PKDCC: variants seen among roughly 807,000 people sequenced by gnomAD.
The protein encoded by PKDCC is protein kinase domain containing, cytoplasmic, also known as extracellular tyrosine-protein kinase PKDCC.
A neutral mutation model predicts 44.7 loss-of-function variants in PKDCC; 35 were observed. The observed-to-expected ratio is 0.78, with a 90% confidence interval of 0.60 to 1.04. The LOEUF (loss-of-function observed/expected upper bound fraction) is 1.04, where lower values mean the gene tolerates loss of function less well. PKDCC is among the 50% of genes least tolerant of loss of function. The probability of loss-of-function intolerance (pLI) is 0.00; values close to 1 mark genes in which losing one functional copy is unlikely to be tolerated. For synonymous variants in PKDCC, 353 were observed against 303.3 expected, an observed-to-expected ratio of 1.16 and a Z score of -1.70; for missense variants, 738 against 672.7, an observed-to-expected ratio of 1.10 and a Z score of -1.07.
In PKDCC at chr2:42,054,659, G is replaced by A. The variant is rs143721083; in HGVS notation, c.1035-282G>A. 56 of 550,330 alleles carry A rather than the reference G, an allele frequency of 1.0e-4. No individual in the cohort carries two copies. The East Asian group carries it at 1.2e-3, about 12-fold the overall frequency. 34.1% of individuals were successfully genotyped at this position (550,330 alleles called of 1,614,324 possible). ...CCAGCCATGGGGCTGCTCCGACACC[G>A]GGAGTCAGTCAGGGGATAATGTGGG... On this transcript the variant is annotated intron_variant, in intron 3 of 6. Transcript: ENST00000294964. This position sits in a 1 kb window ranked among gnomAD's most constrained non-coding sequence, Gnocchi z 6.1.
At position 42,048,268 on chromosome 2, in the gene PKDCC, C is replaced by A. The variant is rs913757077; in HGVS notation, c.69C>A (p.Asn23Lys). The A allele has an allele frequency of 5.7e-5, 73 of 1,278,972 alleles. No homozygotes were observed. The highest frequency in any genetic ancestry group is 7.2e-5 in the Non-Finnish European group (72 of 1,005,152). The allele number at this position is 1,278,972 out of a possible 1,614,324, so 79.2% of individuals were successfully genotyped here. A position where few individuals can be genotyped will look rare whatever the true frequency, so the allele number is the denominator to read the frequency against. The stretch of plus-strand genomic sequence containing the variant: ...CCTTCCTGCTGGGCTCCGTCCTCAA[C>A]GTGCTCTTCGCTCCGGGCTCGGAGC... ...CASFLLGSVLNVLFAPGSEPP... is the reference protein window; with the variant it reads ...CASFLLGSVLKVLFAPGSEPP... Residue 23 changes from asparagine (N) to lysine (K), a missense_variant, in exon 1 of 7, where the codon AAC becomes AAA. Transcript: ENST00000294964. The surrounding 1 kb of genome is among the most constrained non-coding windows in gnomAD (Gnocchi z 6.2).
rs1667987847 is a variant in PKDCC at position 42,052,617 on chromosome 2, C to G, written c.640-622C>G. Among the ~76,000 whole-genome samples the G allele has an allele frequency of 6.6e-6, 1 of 151,920 alleles. No individual in the cohort carries two copies. The highest frequency in any genetic ancestry group is 2.1e-4 in the South Asian group (1 of 4,822). ...GACAAAAATTAGCTGGGCATAGTGG[C>G]AAGCGCCTGTAATCCCAGCTACTCG... On this transcript the variant is annotated intron_variant, in intron 1 of 6. Transcript: ENST00000294964. The surrounding 1 kb of genome is among the most constrained non-coding windows in gnomAD (Gnocchi z 4.3).
intron 2 of PKDCC, 198 bp downstream of exon 2, chr2:42,053,559 T>C: frequency 1.4e-6 from 1 of 712,690 alleles, no homozygotes; most frequent in Non-Finnish European, 2.2e-6. Context: ...TGCTGTGCTC[T>C]TGCCCTCCTC....
rs747310773 is a variant in PKDCC, at chr2:42,054,139, G to A, written c.866G>A (p.Gly289Glu). Residue 289 changes from glycine to glutamate, a missense_variant, in exon 3 of 7, where the codon GGG becomes GAG. Gly to Glu is a moderately conservative substitution (Grantham distance 98, BLOSUM62 -2). Coordinates refer to ENST00000294964, the MANE Select transcript of PKDCC (RefSeq NM_138370.3). This position sits in a 1 kb window ranked among gnomAD's most constrained non-coding sequence, Gnocchi z 6.1. ...FRPRQFVLVD[G>E]ELKVTDLDDA... ...CCTCGGCAGTTTGTGCTGGTGGATG[G>A]GGAGCTCAAAGTGACGGACCTGGAT... is the stretch of plus-strand genomic sequence containing the variant. 1 of 1,613,360 alleles carries A rather than the reference G, an allele frequency of 6.2e-7. No homozygotes were observed. The highest frequency in any genetic ancestry group is 1.7e-5 in the Admixed American group (1 of 59,986).
intron 2 of PKDCC, 51 bp downstream of exon 2, chr2:42,053,412 G>T: frequency 6.5e-7 from 1 of 1,549,080 alleles, no homozygotes; most frequent in Non-Finnish European, 8.7e-7. Flanking sequence ...GGATGGTTCT[G>T]CCTTAGAAGG....
chr2:42,050,435 G>T (rs1016543187), intron 1 of PKDCC, among the ~76,000 whole-genome samples: 2 of 152,136 alleles, frequency 1.3e-5, no homozygotes, highest in Non-Finnish European at 2.9e-5. Context: ...CCCTTCAGAC[G>T]GGTTTGATGT....
chr2:42,053,414 C>G (rs566330548), intron 2 of PKDCC, 53 bp downstream of exon 2: 12 of 1,549,912 alleles, frequency 7.7e-6, no homozygotes, highest in Non-Finnish European at 9.6e-6. Context: ...ATGGTTCTGC[C>G]TTAGAAGGCC....
chr2:42,049,783 C>A (rs986117913), intron 1 of PKDCC, among the ~76,000 whole-genome samples: 2 of 152,296 alleles, frequency 1.3e-5, no homozygotes, highest in South Asian at 2.1e-4. Flanking sequence ...GGTCTCCCCC[C>A]ATCCTAAGAT....
chr2:42,054,828 G>A lies in PKDCC; in HGVS notation c.1035-113G>A, dbSNP rs561570091. 22 of 994,074 alleles carry A rather than the reference G, an allele frequency of 2.2e-5. No individual in the cohort carries two copies. In the African/African-American group the frequency reaches 3.0e-4, roughly 14 times the overall value. 61.6% of individuals were successfully genotyped at this position (994,074 alleles called of 1,614,324 possible). A position where few individuals can be genotyped will look rare whatever the true frequency, so the allele number is the denominator to read the frequency against. ...TCACTGCGTTCTGCCTGGTTGCTAG[G>A]CCTGAGGGATCCGGCTCCCTGGCCA... On this transcript the variant is annotated intron_variant, in intron 3 of 6. Coordinates refer to ENST00000294964, the MANE Select transcript of PKDCC (RefSeq NM_138370.3). This position sits in a 1 kb window ranked among gnomAD's most constrained non-coding sequence, Gnocchi z 6.1.
chr2:42,051,280 C>T lies in PKDCC; in HGVS notation c.640-1959C>T, dbSNP rs1667962857. ...CACACTCCCTCACGTGACTTGACTC[C>T]TCTATAGCCCAGGGCCAAAGGGCAC... On this transcript the variant is annotated intron_variant, in intron 1 of 6. Transcript: ENST00000294964. The surrounding 1 kb of genome is among the most constrained non-coding windows in gnomAD (Gnocchi z 4.2). Among the ~76,000 whole-genome samples, 1 of 151,680 alleles carries T rather than the reference C, an allele frequency of 6.6e-6. No individual in the cohort carries two copies.
chr2:42,055,142 C>A lies in PKDCC; in HGVS notation c.1114+122C>A. The A allele has an allele frequency of 1.5e-6, 2 of 1,298,564 alleles. No homozygotes were observed. The highest frequency in any genetic ancestry group is 2.4e-5 in the East Asian group (1 of 42,542). The allele number at this position is 1,298,564 out of a possible 1,614,324, so 80.4% of individuals were successfully genotyped here. On this transcript the variant is annotated intron_variant, in intron 4 of 6. Coordinates refer to ENST00000294964, the MANE Select transcript of PKDCC (RefSeq NM_138370.3). This position sits in a 1 kb window ranked among gnomAD's most constrained non-coding sequence, Gnocchi z 4.5. The stretch of plus-strand genomic sequence containing the variant: ...TAGAAACCATCACTTCCTAAGGTGG[C>A]ATTCTGCCGCAACCTCCCCGCTCCC...
Position 42,057,635 on chromosome 2 carries a change from A to G in PKDCC, c.1429A>G (p.Ser477Gly). 6.2e-7 allele frequency: 1 copy of G among 1,613,970 alleles called. No individual in the cohort carries two copies. The highest frequency in any genetic ancestry group is 8.5e-7 in the Non-Finnish European group (1 of 1,179,978). ...GCTGGTCTTTTTCAAGACTGGATGGAGCCAAGTGGTCCCTGATCCCAACAA... is the reference window on the plus strand; with the variant it reads ...GCTGGTCTTTTTCAAGACTGGATGGGGCCAAGTGGTCCCTGATCCCAACAA... Reference protein sequence around the residue: ...RQLVFFKTGWSQVVPDPNKTT... With the variant: ...RQLVFFKTGWGQVVPDPNKTT... The change falls in exon 7 of 7, where the codon AGC (serine) becomes GGC (glycine). Residue 477 changes from serine to glycine, a missense_variant. Ser to Gly is a moderately conservative substitution (Grantham distance 56, BLOSUM62 0). Coordinates refer to ENST00000294964, the MANE Select transcript of PKDCC (RefSeq NM_138370.3).
chr2:42,054,781 C>T lies in PKDCC; in HGVS notation c.1035-160C>T, dbSNP rs370919050. The T allele has an allele frequency of 7.8e-4, 575 of 733,208 alleles. 1 individual carries two copies. In the African/African-American group the frequency reaches 9.0e-3, roughly 11 times the overall value. The allele number at this position is 733,208 out of a possible 1,614,324, so 45.4% of individuals were successfully genotyped here. On this transcript the variant is annotated intron_variant, in intron 3 of 6. Transcript: ENST00000294964. This position sits in a 1 kb window ranked among gnomAD's most constrained non-coding sequence, Gnocchi z 6.1. ...GTGGTGTTAGCATGTGCCCAGAACC[C>T]TCCCCCGAGGCTGAGTAGACTTCAC...
chr2:42,055,040 T>C lies in PKDCC; in HGVS notation c.1114+20T>C. The C allele has an allele frequency of 1.2e-6, 2 of 1,609,328 alleles. No homozygotes were observed. The highest frequency in any genetic ancestry group is 1.7e-6 in the Non-Finnish European group (2 of 1,175,744). Reference sequence around the variant, plus strand: ...CCACAGGTGAGCTCTCCAGGGCCCATCTGCTTCCAGGCACCTACCCCACCC... The same window carrying C: ...CCACAGGTGAGCTCTCCAGGGCCCACCTGCTTCCAGGCACCTACCCCACCC... On this transcript the variant is annotated intron_variant, in intron 4 of 6. Transcript: ENST00000294964. The surrounding 1 kb of genome is among the most constrained non-coding windows in gnomAD (Gnocchi z 4.5).
chr2:42,057,811 C>A lies in PKDCC; in HGVS notation c.*123C>A. 1 of 760,358 alleles carries A rather than the reference C, an allele frequency of 1.3e-6. No homozygotes were observed. The highest frequency in any genetic ancestry group is 1.7e-5 in the South Asian group (1 of 58,306). The allele number at this position is 760,358 out of a possible 1,614,324, so 47.1% of individuals were successfully genotyped here. A position where few individuals can be genotyped will look rare whatever the true frequency, so the allele number is the denominator to read the frequency against. ...GAACCCCTGCAGACAAAGCTAACAT[C>A]CCAGACAGACAGATGTGACCAGGAC... On this transcript the variant is annotated 3_prime_UTR_variant, in exon 7 of 7. Transcript: ENST00000294964.
At position 42,054,679 on chromosome 2, in the gene PKDCC, T is replaced by G; in HGVS notation, c.1035-262T>G. ...ACACCGGGAGTCAGTCAGGGGATAA[T>G]GTGGGGCTGGGAGGTGGGCAAGTCC... On this transcript the variant is annotated intron_variant, in intron 3 of 6. Coordinates refer to ENST00000294964, the MANE Select transcript of PKDCC (RefSeq NM_138370.3). This position sits in a 1 kb window ranked among gnomAD's most constrained non-coding sequence, Gnocchi z 6.1. 1 of 562,448 alleles carries G rather than the reference T, an allele frequency of 1.8e-6. No homozygotes were observed. Among genetic ancestry groups the G allele is most frequent in the Non-Finnish European group, 3.2e-6 (1 of 316,296 alleles). 34.8% of individuals were successfully genotyped at this position (562,448 alleles called of 1,614,324 possible).
chr2:42,050,226 A>T (rs1297075736), intron 1 of PKDCC, among the ~76,000 whole-genome samples: 1 of 152,134 alleles, frequency 6.6e-6, no homozygotes, highest in African/African-American at 2.4e-5. Context: ...CACAGCTCAC[A>T]CCGTGTCTGC....
In PKDCC at chr2:42,055,781, G is replaced by T. The variant is rs917979811; in HGVS notation, c.1222+388G>T. On this transcript the variant is annotated intron_variant, in intron 5 of 6. Transcript: ENST00000294964. This position sits in a 1 kb window ranked among gnomAD's most constrained non-coding sequence, Gnocchi z 4.5. ...GGGAATTAAATGTCAGGTGAAATGTGTGAAAGCAATTAGTGCAGTTCCTAT... is the reference window on the plus strand; with the variant it reads ...GGGAATTAAATGTCAGGTGAAATGTTTGAAAGCAATTAGTGCAGTTCCTAT... 5.3e-6 allele frequency: 1 copy of T among 189,148 alleles called. No homozygotes were observed. Among genetic ancestry groups the T allele is most frequent in the African/African-American group, 2.3e-5 (1 of 42,632 alleles). The allele number at this position is 189,148 out of a possible 1,614,324, so 11.7% of individuals were successfully genotyped here.
chr2:42,050,518 T>C (rs1667946862), intron 1 of PKDCC, among the ~76,000 whole-genome samples: 1 of 152,188 alleles, frequency 6.6e-6, no homozygotes, highest in East Asian at 1.9e-4. Context: ...CTGACAAGCA[T>C]TCAGCTAACG....
Sources: gnomAD v4.1 joint callset for allele counts (sites outside exome capture counted in the v4.1 genomes callset) on GRCh38, gnomAD v4.1.1 for gene constraint, Gnocchi (gnomAD v3.1) non-coding constraint, MANE v1.5 for transcripts, NCBI Gene and HGNC (gene_info 2026-07-23, HGNC 2026-07-21) for gene names.